Variants in MBOAT1 observed in about 807,000 individuals in gnomAD.
MBOAT1 encodes the protein membrane-bound glycerophospholipid O-acyltransferase 1.
Under a neutral mutation model 64.4 loss-of-function variants are expected in MBOAT1, and 67 were observed. The ratio of observed to expected loss-of-function variants is 1.04; its 90% CI spans 0.85 to 1.27. The LOEUF is 1.27. MBOAT1 is among the 50% of genes most tolerant of loss of function. The pLI, the probability that MBOAT1 is intolerant of heterozygous loss-of-function variation, is 0.00. For synonymous variants in MBOAT1, 229 were observed against 218.9 expected, an observed-to-expected ratio of 1.05 and a Z score of -0.41; for missense variants, 563 against 604.6, an observed-to-expected ratio of 0.93 and a Z score of 0.72.
At chr6:20,133,418 C>T (rs1760889816) in intron 4 of MBOAT1, among the ~76,000 whole-genome samples, 1 of 152,220 alleles carries the variant, frequency 6.6e-6, no homozygotes, top group South Asian at 2.1e-4. Flanking sequence ...GACAACAAGA[C>T]TTCTGACCCA....
intron 8 of MBOAT1, among the ~76,000 whole-genome samples, chr6:20,123,796 C>T (rs1401926850): frequency 6.6e-6 from 1 of 152,134 alleles, no homozygotes; most frequent in African/African-American, 2.4e-5. Flanking sequence ...GTGGCTCACA[C>T]CTGTAATCCC....
At chr6:20,208,173 C>T (rs903950675) in intron 1 of MBOAT1, among the ~76,000 whole-genome samples, 9 of 152,036 alleles carry the variant, frequency 5.9e-5, no homozygotes, top group African/African-American at 1.7e-4. Flanking sequence ...GTCGGCCGGG[C>T]GTGGTGGCTC....
At chr6:20,122,105 C>T (rs1760508678) in intron 8 of MBOAT1, among the ~76,000 whole-genome samples, 1 of 152,108 alleles carries the variant, frequency 6.6e-6, no homozygotes, top group Non-Finnish European at 1.5e-5. Context: ...GTGGAGGTTG[C>T]AGTGAGCCGA....
chr6:20,210,128 T>A (rs1218013592), intron 1 of MBOAT1, among the ~76,000 whole-genome samples: 1 of 152,168 alleles, frequency 6.6e-6, no homozygotes, highest in Non-Finnish European at 1.5e-5. Context: ...CTTCCTAATG[T>A]CGGGCATTTC....
intron 1 of MBOAT1, among the ~76,000 whole-genome samples, chr6:20,166,151 A>T (rs1762009750): frequency 6.6e-6 from 1 of 152,020 alleles, no homozygotes; most frequent in Non-Finnish European, 1.5e-5. Flanking sequence ...TTTCTCCTTT[A>T]CTTTATCATA....
At chr6:20,166,637 T>A (rs763004902) in intron 1 of MBOAT1, among the ~76,000 whole-genome samples, 2 of 152,064 alleles carry the variant, frequency 1.3e-5, no homozygotes, top group Non-Finnish European at 2.9e-5. Flanking sequence ...GCCAAATCAG[T>A]GTCATTCAAG....
At chr6:20,150,102 A>G (rs1459228606) in intron 3 of MBOAT1, among the ~76,000 whole-genome samples, 1 of 152,180 alleles carries the variant, frequency 6.6e-6, no homozygotes, top group African/African-American at 2.4e-5. Context: ...GAGTTTTCAG[A>G]AAGACCATGT....
chr6:20,169,642 C>A (rs1312749693), intron 1 of MBOAT1, among the ~76,000 whole-genome samples: 8 of 151,490 alleles, frequency 5.3e-5, no homozygotes, highest in African/African-American at 1.2e-4. Flanking sequence ...AAAGAAAAAA[C>A]CTTATCCCAC....
intron 1 of MBOAT1, among the ~76,000 whole-genome samples, chr6:20,183,580 C>T (rs991835367): frequency 3.8e-5 from 5 of 132,138 alleles, no homozygotes; most frequent in Middle Eastern, 4.2e-3. Context: ...AAATGGCATT[C>T]CGTCTGGTTG....
intron 4 of MBOAT1, among the ~76,000 whole-genome samples, chr6:20,142,310 A>G (rs1761201901): frequency 1.3e-5 from 2 of 152,206 alleles, no homozygotes; most frequent in South Asian, 4.1e-4. Flanking sequence ...GGGTGAAACC[A>G]AAACAGTGGT....
chr6:20,131,155 TGG>T lies in MBOAT1; in HGVS notation c.462_463del (p.Phe154LeufsTer4), dbSNP rs773267634. 1.2e-6 allele frequency: 2 copies of T among 1,613,718 alleles called. No individual in the cohort carries two copies. The highest frequency in any genetic ancestry group is 1.7e-6 in the Non-Finnish European group (2 of 1,179,744). The stretch of plus-strand genomic sequence containing the variant: ...GCTGCTGTTCTTACCATCATGAACC[TGG>T]AATGCCAAGGTTGTGATCTTCTGAG... On this transcript the variant is annotated frameshift_variant, in exon 5 of 13. Coordinates refer to ENST00000324607, the MANE Select transcript of MBOAT1 (RefSeq NM_001080480.3). LOFTEE classifies it high-confidence loss of function.
intron 7 of MBOAT1, 74 bp downstream of exon 7, chr6:20,126,443 T>G: frequency 7.8e-7 from 1 of 1,280,224 alleles, no homozygotes; most frequent in Non-Finnish European, 1.1e-6. Context: ...CTGTTTGGCT[T>G]CTTAATTAGA....
intron 1 of MBOAT1, among the ~76,000 whole-genome samples, chr6:20,179,621 A>AAT (rs1314059472): frequency 3.3e-5 from 5 of 152,210 alleles, no homozygotes; most frequent in Non-Finnish European, 7.3e-5. Flanking sequence ...TGCTGCAATG[A>AAT]ACATATGCAT....
At chr6:20,118,255 A>G (rs1470042328) in intron 9 of MBOAT1, among the ~76,000 whole-genome samples, 182 bp downstream of exon 9, 1 of 152,006 alleles carries the variant, frequency 6.6e-6, no homozygotes, top group East Asian at 1.9e-4. Context: ...TATCTTAAAA[A>G]AAAAAAAGAC....
intron 11 of MBOAT1, 135 bp from the exon 12 acceptor site, chr6:20,109,884 C>T: frequency 2.3e-6 from 1 of 429,148 alleles, no homozygotes; most frequent in Non-Finnish European, 3.8e-6. Flanking sequence ...GTATTTTCGA[C>T]TACAAATACC....
At chr6:20,109,142 C>A (rs562022269) in intron 12 of MBOAT1, among the ~76,000 whole-genome samples, 1 of 152,166 alleles carries the variant, frequency 6.6e-6, no homozygotes, top group African/African-American at 2.4e-5. Flanking sequence ...CCCCCATCAG[C>A]CTCACCAGGG....
At chr6:20,209,022 G>C (rs1250158943) in intron 1 of MBOAT1, among the ~76,000 whole-genome samples, 1 of 152,158 alleles carries the variant, frequency 6.6e-6, no homozygotes, top group African/African-American at 2.4e-5. Context: ...AACAAAGTGA[G>C]GAGGACAGGA....
Position 20,126,665 on chromosome 6 carries a change from AG to A in MBOAT1, c.565del (p.Leu189PhefsTer5), listed in dbSNP as rs755930302. On this transcript the variant is annotated frameshift_variant, in exon 7 of 13. Transcript: ENST00000324607. LOFTEE classifies it high-confidence loss of function. ...KPSFLEYLSY[L>X]LNFMSVIAGP... is the part of the protein sequence containing the mutation. Reference sequence around the variant, plus strand: ...AGCTATGACACTCATGAAATTGAGAAGGTAACTTAAGTATTCCAAAAAAGAG... The same window carrying A: ...AGCTATGACACTCATGAAATTGAGAAGTAACTTAAGTATTCCAAAAAAGAG... 6.2e-7 allele frequency: 1 copy of A among 1,612,788 alleles called. No homozygotes were observed. The highest frequency in any genetic ancestry group is 8.5e-7 in the Non-Finnish European group (1 of 1,179,584).
intron 1 of MBOAT1, among the ~76,000 whole-genome samples, chr6:20,168,661 G>GGAGAGGAGAGGGAA (rs1762099829): frequency 7.4e-6 from 1 of 135,088 alleles, no homozygotes; most frequent in African/African-American, 2.8e-5. Context: ...GAGAGGGAAA[G>GGAGAGGAGAGGGAA]AGAGAAAGAG....
Sources: allele counts gnomAD v4.1 joint callset (sites outside exome capture counted in the v4.1 genomes callset), GRCh38; gene constraint gnomAD v4.1.1; transcripts MANE v1.5; gene names NCBI Gene and HGNC (gene_info 2026-07-23, HGNC 2026-07-21).